EPRS1: variants seen among roughly 807,000 people sequenced by gnomAD.
EPRS1 encodes bifunctional glutamate/proline--tRNA ligase.
In EPRS1, 107 loss-of-function variants were observed where a neutral mutation model predicts 188.3. That is an observed-to-expected ratio of 0.57 (90% CI 0.49 to 0.67). The LOEUF (loss-of-function observed/expected upper bound fraction) is 0.67, where lower values mean the gene tolerates loss of function less well. EPRS1 is among the 30% of genes least tolerant of loss of function. The pLI is 0.00. For missense variants in EPRS1, 1,577 were observed against 1,802.2 expected, an observed-to-expected ratio of 0.88 and a Z score of 2.26; for synonymous variants, 596 against 593.1, an observed-to-expected ratio of 1.00 and a Z score of -0.07.
chr1:220,022,325 A>T (rs753775075), intron 9 of EPRS1, 22 bp downstream of exon 9: 4 of 1,596,092 alleles, frequency 2.5e-6, no homozygotes, highest in Non-Finnish European at 3.4e-6. Flanking sequence ...GCTACCTAGC[A>T]TATTGAAGGA....
In EPRS1 at chr1:220,005,248, C is replaced by T; in HGVS notation, c.2063G>A (p.Ser688Asn). Reference sequence around the variant, plus strand: ...TAGACGTTCAGTTACATTTACTTACCTAACAGGTTCATAAGGTTGATCACA... The same window carrying T: ...TAGACGTTCAGTTACATTTACTTACTTAACAGGTTCATAAGGTTGATCACA... ...FICDQPYEPVSPYSCKEAPCV... is the reference protein window; with the variant it reads ...FICDQPYEPVNPYSCKEAPCV... The change falls in exon 16 of 32, where the codon AGC (serine) becomes AAC (asparagine). Residue 688 changes from serine to asparagine, a missense_variant and splice_region_variant. By Grantham distance (46) the Ser-to-Asn change is conservative. This residue lies in a region of EPRS1 where 1,278 missense variants were observed against 1,457.4 expected (regional missense o/e 0.88). Transcript: ENST00000366923. The T allele has an allele frequency of 7.2e-7, 1 of 1,390,560 alleles. No individual in the cohort carries two copies. Among genetic ancestry groups the T allele is most frequent in the Non-Finnish European group, 9.9e-7 (1 of 1,006,218 alleles). The allele number at this position is 1,390,560 out of a possible 1,614,324, so 86.1% of individuals were successfully genotyped here. A position where few individuals can be genotyped will look rare whatever the true frequency, so the allele number is the denominator to read the frequency against.
At chr1:220,036,248 T>C (rs1350725993) in intron 2 of EPRS1, among the ~76,000 whole-genome samples, 1 of 152,072 alleles carries the variant, frequency 6.6e-6, no homozygotes, top group African/African-American at 2.4e-5. Flanking sequence ...TGTAAATTAG[T>C]CAAACCACTG....
intron 30 of EPRS1, among the ~76,000 whole-genome samples, chr1:219,971,312 T>G (rs1306354332): frequency 6.6e-6 from 1 of 152,156 alleles, no homozygotes; most frequent in Non-Finnish European, 1.5e-5. Context: ...CTTTAAAGTT[T>G]CAGCTCGAAA....
intron 26 of EPRS1, 98 bp from the exon 27 acceptor site, chr1:219,979,713 C>T (rs1660855786): frequency 3.9e-6 from 3 of 762,580 alleles, no homozygotes; most frequent in South Asian, 1.8e-5. Context: ...TGGCACTACA[C>T]TTTTTTTCTC....
At chr1:219,987,541 T>C (rs1284831114) in intron 19 of EPRS1, 137 bp from the exon 20 acceptor site, 1 of 719,114 alleles carries the variant, frequency 1.4e-6, no homozygotes, top group East Asian at 2.7e-5. Context: ...CAGGTGGTGA[T>C]AAGGTTTGAG....
In EPRS1 at chr1:220,006,294, T is replaced by TGCA. The variant is rs1558052876; in HGVS notation, c.1761_1762insTGC (p.Ile587_Ile588insCys). ...AAATTCAACTTTGCATCAAGAGATA[T>TGCA]GATTTTTCCATCTGCATTTCTAGAT... On this transcript the variant is annotated inframe_insertion, in exon 15 of 32. Coordinates refer to ENST00000366923, the MANE Select transcript of EPRS1 (RefSeq NM_004446.3). 1 of 1,559,808 alleles carries TGCA rather than the reference T, an allele frequency of 6.4e-7. No homozygotes were observed. Among genetic ancestry groups the TGCA allele is most frequent in the Admixed American group, 1.8e-5 (1 of 55,176 alleles).
chr1:219,979,605 G>T lies in EPRS1; in HGVS notation c.3722C>A (p.Ser1241Ter). 6.2e-7 allele frequency: 1 copy of T among 1,610,170 alleles called. No individual in the cohort carries two copies. The highest frequency in any genetic ancestry group is 8.5e-7 in the Non-Finnish European group (1 of 1,176,640). ...GGAAAAATTCTGCCCTAAATGATGTGATGTTCCTCCCTAAAATAGAGAGAG... is the reference window on the plus strand; with the variant it reads ...GGAAAAATTCTGCCCTAAATGATGTTATGTTCCTCCCTAAAATAGAGAGAG... ...ASGRAIQGGTSHHLGQNFSKM... is the reference protein window; with the variant it reads ...ASGRAIQGGT The change falls in exon 27 of 32, where the codon TCA becomes TAA. Residue 1241 changes from serine (S) to a stop codon, truncating the protein, a stop_gained. Coordinates refer to ENST00000366923, the MANE Select transcript of EPRS1 (RefSeq NM_004446.3). LOFTEE classifies it high-confidence loss of function.
chr1:219,992,200 G>C (rs1248598446), intron 18 of EPRS1, among the ~76,000 whole-genome samples: 1 of 151,974 alleles, frequency 6.6e-6, no homozygotes, highest in Admixed American at 6.6e-5. Context: ...CTGTGGTTTG[G>C]GTTTTAAAAA....
At chr1:219,971,591 T>C (rs1660664536) in intron 30 of EPRS1, among the ~76,000 whole-genome samples, 1 of 151,874 alleles carries the variant, frequency 6.6e-6, no homozygotes, top group Non-Finnish European at 1.5e-5. Context: ...CAATGGTTAC[T>C]TTAGGAACTT....
intron 28 of EPRS1, among the ~76,000 whole-genome samples, chr1:219,975,733 G>T (rs1660763343): frequency 6.6e-6 from 1 of 152,098 alleles, no homozygotes; most frequent in Admixed American, 6.5e-5. Context: ...CACCACGCCA[G>T]GTCCACCCTA....
At chr1:219,973,119 G>A (rs1169599618) in intron 29 of EPRS1, 119 bp downstream of exon 29, 1 of 760,130 alleles carries the variant, frequency 1.3e-6, no homozygotes, top group African/African-American at 1.8e-5. Flanking sequence ...AGTAGCATGG[G>A]GGTTCAGAGG....
chr1:219,983,413 AAT>A lies in EPRS1; in HGVS notation c.3091-17_3091-16del. Reference sequence around the variant, plus strand: ...TTTGTGATGACCTTTTTAAAAGAAAAATAGTCTTTAAAGCTTACATTGAACCA... The same window carrying A: ...TTTGTGATGACCTTTTTAAAAGAAAAAGTCTTTAAAGCTTACATTGAACCA... On this transcript the variant is annotated splice_polypyrimidine_tract_variant and intron_variant, in intron 21 of 31. Transcript: ENST00000366923. 1.3e-6 allele frequency: 2 copies of A among 1,588,544 alleles called. No individual in the cohort carries two copies. The highest frequency in any genetic ancestry group is 2.2e-5 in the East Asian group (1 of 44,602).
In EPRS1 at chr1:220,040,192, C is replaced by T. The variant is rs1662265582; in HGVS notation, c.124G>A (p.Val42Ile). ...VEEGKENILH[V>I]SENVIFTDVN... Reference sequence around the variant, plus strand: ...AAAGATGAAAACACTTACTCAGAAACATGAAGAATATTCTCTTTCCCTTCT... The same window carrying T: ...AAAGATGAAAACACTTACTCAGAAATATGAAGAATATTCTCTTTCCCTTCT... The change falls in exon 2 of 32, where the codon GTT (valine) becomes ATT (isoleucine). Residue 42 changes from valine (V) to isoleucine (I), a missense_variant. Physicochemically the swap from Val to Ile is conservative, Grantham distance 29. Transcript: ENST00000366923. The T allele has an allele frequency of 6.3e-7, 1 of 1,595,450 alleles. No individual in the cohort carries two copies. Among genetic ancestry groups the T allele is most frequent in the Non-Finnish European group, 8.6e-7 (1 of 1,165,308 alleles).
At chr1:220,044,851 T>C (rs940092366) in intron 1 of EPRS1, among the ~76,000 whole-genome samples, 2 of 152,108 alleles carry the variant, frequency 1.3e-5, no homozygotes, top group African/African-American at 4.8e-5. Flanking sequence ...TCACAACTAG[T>C]AAGTGGCAGC....
At chr1:219,979,050 T>C (rs922992205) in intron 27 of EPRS1, among the ~76,000 whole-genome samples, 2 of 152,282 alleles carry the variant, frequency 1.3e-5, no homozygotes, top group South Asian at 4.1e-4. Context: ...GACTAGATTT[T>C]GCCATGTTGC....
chr1:219,987,318 C>T lies in EPRS1; in HGVS notation c.2862G>A (p.Ser954=), dbSNP rs367694212. 96 of 1,613,714 alleles carry T rather than the reference C, an allele frequency of 5.9e-5. No individual in the cohort carries two copies. The highest frequency in any genetic ancestry group is 1.8e-4 in the South Asian group (16 of 91,052). The change falls in exon 20 of 32, where the codon TCG becomes TCA. Residue 954 remains serine (S), a synonymous_variant. Transcript: ENST00000366923. ...SLIGVEYKPV[S]ATGAEDKDKK... Reference sequence around the variant, plus strand: ...TATCTTTGTCCTCAGCTCCAGTGGCCGACACAGGCTTATACTCTACTCCTA... The same window carrying T: ...TATCTTTGTCCTCAGCTCCAGTGGCTGACACAGGCTTATACTCTACTCCTA...
At chr1:219,983,512 C>T in intron 21 of EPRS1, 114 bp from the exon 22 acceptor site, 3 of 679,646 alleles carry the variant, frequency 4.4e-6, no homozygotes, top group Non-Finnish European at 7.5e-6. Flanking sequence ...TTGATAACAT[C>T]CCCTTAATGT....
chr1:220,040,932 A>C (rs1355699600), intron 1 of EPRS1, among the ~76,000 whole-genome samples: 1 of 152,110 alleles, frequency 6.6e-6, no homozygotes, highest in African/African-American at 2.4e-5. Flanking sequence ...AACTAAAAAA[A>C]AAAAAAGAAA....
At chr1:220,030,328 G>A in intron 6 of EPRS1, 58 bp downstream of exon 6, 1 of 1,148,826 alleles carries the variant, frequency 8.7e-7, no homozygotes, top group African/African-American at 1.5e-5. Flanking sequence ...TTTAATCACT[G>A]TTTTAAAGCT....
Sources: allele counts gnomAD v4.1 joint callset (sites outside exome capture counted in the v4.1 genomes callset), GRCh38; gene constraint gnomAD v4.1.1; regional missense constraint gnomAD v4.1.1; transcripts MANE v1.5; gene names NCBI Gene and HGNC (gene_info 2026-07-23, HGNC 2026-07-21).